Variants in UQCC6 observed in about 807,000 individuals in gnomAD.
UQCC6 encodes the protein ubiquinol-cytochrome c reductase complex assembly factor 6, also known as protein BRAWNIN.
At chr12:103,959,272 G>A in the UQCC6 span, among the ~76,000 whole-genome samples, 1 of 152,136 alleles carries the variant, frequency 6.6e-6, no homozygotes, top group African/African-American at 2.4e-5. Context: ...GTTGACATCG[G>A]TTGATAGATA....
chr12:103,961,687 G>T, the UQCC6 span, among the ~76,000 whole-genome samples: 1 of 151,990 alleles, frequency 6.6e-6, no homozygotes, highest in Non-Finnish European at 1.5e-5. Flanking sequence ...CTCCCGAGTA[G>T]CTGGGACTAC....
At chr12:103,962,800 G>A in the UQCC6 span, among the ~76,000 whole-genome samples, 1 of 152,256 alleles carries the variant, frequency 6.6e-6, no homozygotes, top group African/African-American at 2.4e-5. Flanking sequence ...CTCTGCAGGA[G>A]CAGTCTTGGA....
At chr12:103,958,111 G>A in the UQCC6 span, among the ~76,000 whole-genome samples, 2 of 148,970 alleles carry the variant, frequency 1.3e-5, no homozygotes, top group Non-Finnish European at 3.0e-5. Context: ...AGCTACTCGG[G>A]AGGCTGAGGC....
the UQCC6 span, chr12:103,956,326 G>C: frequency 1.9e-4 from 47 of 251,546 alleles, no homozygotes; most frequent in Non-Finnish European, 3.1e-4. Context: ...AAGCAGGCGT[G>C]AATGTTAACA....
chr12:103,962,383 A>G, the UQCC6 span, among the ~76,000 whole-genome samples: 1 of 152,192 alleles, frequency 6.6e-6, no homozygotes, highest in South Asian at 2.1e-4. Context: ...ATTGTCTTCT[A>G]TATTTTCTTC....
chr12:103,960,261 C>A, the UQCC6 span, among the ~76,000 whole-genome samples: 1 of 151,856 alleles, frequency 6.6e-6, no homozygotes, highest in Non-Finnish European at 1.5e-5. Flanking sequence ...TTAGTAGAGA[C>A]GGGGTTTCAC....
the UQCC6 span, chr12:103,953,483 C>T: frequency 1.1e-3 from 760 of 702,402 alleles, 4 homozygotes; most frequent in Non-Finnish European, 5.7e-5. Flanking sequence ...CTCTGCTCGA[C>T]TCTGCCCAGA....
the UQCC6 span, among the ~76,000 whole-genome samples, chr12:103,963,002 T>A: frequency 2.0e-4 from 30 of 152,320 alleles, 3 homozygotes; most frequent in Admixed American, 1.1e-3. Flanking sequence ...CACTTGTCCA[T>A]GTATGTGTCT....
chr12:103,961,154 TA>T, the UQCC6 span, among the ~76,000 whole-genome samples: 122,829 of 151,492 alleles, frequency 0.81, 49,915 homozygotes, highest in Non-Finnish European at 0.84. Context: ...GTTTGTGTCT[TA>T]AGTTTTTCAC....
chr12:103,963,803 A>C, the UQCC6 span, among the ~76,000 whole-genome samples: 1 of 152,208 alleles, frequency 6.6e-6, no homozygotes, highest in African/African-American at 2.4e-5. Flanking sequence ...CAACCTTGCG[A>C]ATCTCACCTA....
At chr12:103,964,558 C>T in the UQCC6 span, among the ~76,000 whole-genome samples, 1 of 152,240 alleles carries the variant, frequency 6.6e-6, no homozygotes, top group African/African-American at 2.4e-5. Flanking sequence ...TCCCCGAGTG[C>T]AGACATCCTG....
At chr12:103,955,687 G>A in the UQCC6 span, 1 of 433,848 alleles carries the variant, frequency 2.3e-6, no homozygotes, top group Non-Finnish European at 4.5e-6. Context: ...ACTAATGGTT[G>A]ACTCTCTGAA....
chr12:103,963,225 C>T, the UQCC6 span, among the ~76,000 whole-genome samples: 1 of 152,110 alleles, frequency 6.6e-6, no homozygotes, highest in Non-Finnish European at 1.5e-5. Context: ...AGGCATGTGC[C>T]ACCACATCTG....
At chr12:103,959,741 A>T in the UQCC6 span, among the ~76,000 whole-genome samples, 1 of 151,888 alleles carries the variant, frequency 6.6e-6, no homozygotes, top group Non-Finnish European at 1.5e-5. Flanking sequence ...TAACTTTTTT[A>T]AAAAAGAAAT....
chr12:103,951,849 C>T, the UQCC6 span, among the ~76,000 whole-genome samples: 26 of 152,242 alleles, frequency 1.7e-4, no homozygotes, highest in East Asian at 3.5e-3. Context: ...TTCAGCATTA[C>T]GTACTGCAGG....
At chr12:103,956,791 C>A in the UQCC6 span, 3 of 1,291,224 alleles carry the variant, frequency 2.3e-6, no homozygotes, top group African/African-American at 1.5e-5. Flanking sequence ...TTCCAGCTCA[C>A]GACTACACCG....
chr12:103,953,541 A>C, the UQCC6 span: 1 of 702,280 alleles, frequency 1.4e-6, no homozygotes, highest in Non-Finnish European at 2.6e-6. Context: ...TTTGCTACAA[A>C]GAACAAAGTG....
chr12:103,958,048 A>G, the UQCC6 span, among the ~76,000 whole-genome samples: 16 of 144,472 alleles, frequency 1.1e-4, no homozygotes, highest in African/African-American at 4.0e-4. Context: ...ATATATATGT[A>G]TATATATACA....
At chr12:103,951,494 T>C in the UQCC6 span, 1 of 1,232,232 alleles carries the variant, frequency 8.1e-7, no homozygotes, top group South Asian at 1.4e-5. Flanking sequence ...TATTTAAGAC[T>C]TATATTATTC....
Sources: gnomAD v4.1 joint callset for allele counts (sites outside exome capture counted in the v4.1 genomes callset) on GRCh38, gnomAD v4.1.1 for gene constraint, MANE v1.5 for transcripts, NCBI Gene and HGNC (gene_info 2026-07-23, HGNC 2026-07-21) for gene names.